Variants in DNMBP observed in about 807,000 individuals in gnomAD.
The protein encoded by DNMBP is dynamin-binding protein.
DNMBP carries 87 observed loss-of-function variants against 150.0 expected under a neutral mutation model. That is an observed-to-expected ratio of 0.58 (90% CI 0.49 to 0.69). DNMBP has a LOEUF of 0.69. Among genes scored for constraint, DNMBP ranks in the 30% least tolerant of loss-of-function variants. The pLI, the probability that DNMBP is intolerant of heterozygous loss-of-function variation, is 0.00. For synonymous variants in DNMBP, 711 were observed against 750.4 expected, an observed-to-expected ratio of 0.95 and a Z score of 0.86; for missense variants, 1,774 against 1,949.0, an observed-to-expected ratio of 0.91 and a Z score of 1.69.
intron 14 of DNMBP, 80 bp downstream of exon 14, chr10:99,885,607 G>T (rs1024883334): frequency 7.9e-6 from 10 of 1,269,758 alleles, no homozygotes; most frequent in Admixed American, 5.2e-5. Context: ...CCAATAGTGG[G>T]ATCTGGGCCT....
intron 4 of DNMBP, among the ~76,000 whole-genome samples, chr10:99,911,713 A>T (rs1205549987): frequency 6.6e-6 from 1 of 152,230 alleles, no homozygotes; most frequent in African/African-American, 2.4e-5. Context: ...GTATTATTCA[A>T]AATAAAACTT....
In DNMBP at chr10:99,972,749, T is replaced by C. The variant is rs573285474; in HGVS notation, c.-10-615A>G. Reference sequence around the variant, plus strand: ...CCTCAGCTTTCTGAGTAGCTGGAACTACAGGCGCACACCACTGTGCCTGAC... The same window carrying C: ...CCTCAGCTTTCTGAGTAGCTGGAACCACAGGCGCACACCACTGTGCCTGAC... On this transcript the variant is annotated intron_variant, in intron 1 of 16. Coordinates refer to ENST00000324109, the MANE Select transcript of DNMBP (RefSeq NM_015221.4). 8.5e-5 allele frequency among the ~76,000 whole-genome samples: 13 copies of C among 152,342 alleles called. 1 individual carries two copies. The South Asian group carries it at 2.7e-3, about 32-fold the overall frequency.
rs150503168 is a variant in DNMBP at position 99,880,291 on chromosome 10, G to C, written c.4068C>G (p.Ser1356=). The C allele has an allele frequency of 6.2e-7, 1 of 1,613,576 alleles. No individual in the cohort carries two copies. Among genetic ancestry groups the C allele is most frequent in the East Asian group, 2.2e-5 (1 of 44,870 alleles). Residue 1356 remains serine (S), a synonymous_variant, in exon 16 of 17, where the codon TCC becomes TCG. Transcript: ENST00000324109. ...YNPRRSHSDA[S]VGSHSSTESE... is the part of the protein sequence containing the mutation. ...ACTCTGTGGAGGAGTGGCTACCCAC[G>C]GAGGCATCGGAGTGGCTGCGGCGAG...
At chr10:99,962,935 T>A (rs1294217125) in intron 3 of DNMBP, among the ~76,000 whole-genome samples, 1 of 152,024 alleles carries the variant, frequency 6.6e-6, no homozygotes, top group Non-Finnish European at 1.5e-5. Context: ...TAAGCTTTAT[T>A]ACCTGATGGA....
intron 1 of DNMBP, among the ~76,000 whole-genome samples, chr10:99,984,285 C>T (rs1179836335): frequency 1.3e-5 from 2 of 152,112 alleles, no homozygotes; most frequent in Non-Finnish European, 2.9e-5. Flanking sequence ...TCCTAAGTAT[C>T]CTCTCAGACT....
At position 99,955,923 on chromosome 10, in the gene DNMBP, G is replaced by C; in HGVS notation, c.1551C>G (p.Ile517Met). 6.2e-7 allele frequency: 1 copy of C among 1,614,138 alleles called. No homozygotes were observed. Among genetic ancestry groups the C allele is most frequent in the Non-Finnish European group, 8.5e-7 (1 of 1,179,982 alleles). The change falls in exon 4 of 17, where the codon ATC becomes ATG. Residue 517 changes from isoleucine to methionine, a missense_variant. This residue lies in a region of DNMBP where 1,430 missense variants were observed against 1,492.5 expected (regional missense o/e 0.96). Coordinates refer to ENST00000324109, the MANE Select transcript of DNMBP (RefSeq NM_015221.4). ...CAGGCTTCATCTCCAATCTCTCTGAGATGGAGTAAACACTGGACGTGTGGT... is the reference window on the plus strand; with the variant it reads ...CAGGCTTCATCTCCAATCTCTCTGACATGGAGTAAACACTGGACGTGTGGT... ...KKHHTSSVYS[I>M]SERLEMKPGP...
chr10:99,983,144 T>C (rs1328512316), intron 1 of DNMBP, among the ~76,000 whole-genome samples: 1 of 152,152 alleles, frequency 6.6e-6, no homozygotes, highest in Non-Finnish European at 1.5e-5. Context: ...CGGAGGTTCC[T>C]TCAAAAGAAT....
At chr10:99,965,699 G>A in intron 3 of DNMBP, among the ~76,000 whole-genome samples, 1 of 152,076 alleles carries the variant, frequency 6.6e-6, no homozygotes, top group Admixed American at 6.6e-5. Context: ...GTTTCACCAT[G>A]TTGGCCAGGC....
In DNMBP at chr10:99,896,277, A is replaced by C. The variant is rs1325685267; in HGVS notation, c.3041T>G (p.Phe1014Cys). Residue 1014 changes from phenylalanine (F) to cysteine (C), a missense_variant, in exon 10 of 17, where the codon TTT (phenylalanine) becomes TGT (cysteine). Around this residue, in one of 2 missense-constraint regions of DNMBP, gnomAD observed 1,430 missense variants for 1,492.5 expected, o/e 0.96. Transcript: ENST00000324109. Reference protein sequence around the residue: ...VSSHLKHLTGFAPQIKDEVFE... With the variant: ...VSSHLKHLTGCAPQIKDEVFE... Reference sequence around the variant, plus strand: ...GGATGGGGATCTCACCTGAGGAGCAAAGCCAGTGAGATGCTTCAGGTGACT... The same window carrying C: ...GGATGGGGATCTCACCTGAGGAGCACAGCCAGTGAGATGCTTCAGGTGACT... 6.2e-7 allele frequency: 1 copy of C among 1,614,120 alleles called. No homozygotes were observed.
At chr10:99,936,597 C>T (rs1181219676) in intron 4 of DNMBP, among the ~76,000 whole-genome samples, 2 of 151,162 alleles carry the variant, frequency 1.3e-5, no homozygotes, top group Non-Finnish European at 2.9e-5. Context: ...TCACTGCAGG[C>T]TCAAACAATC....
Position 99,894,943 on chromosome 10 carries a change from C to T in DNMBP, c.3156+3G>A, listed in dbSNP as rs200173066. 5.8e-5 allele frequency: 93 copies of T among 1,606,138 alleles called. No homozygotes were observed. In the East Asian group the frequency reaches 1.7e-3, roughly 30 times the overall value. On this transcript the variant is annotated splice_donor_region_variant and intron_variant, in intron 11 of 16. Coordinates refer to ENST00000324109, the MANE Select transcript of DNMBP (RefSeq NM_015221.4). ...ATCTAACTACAGTGATGTTGATGCT[C>T]ACCCGGATGTGCTGGAGGTAGAGAG...
rs374443440 is a variant in DNMBP, at chr10:99,955,705, C to T, written c.1769G>A (p.Arg590Gln). 97 of 1,614,100 alleles carry T rather than the reference C, an allele frequency of 6.0e-5. No individual in the cohort carries two copies. The highest frequency in any genetic ancestry group is 1.6e-4 in the Middle Eastern group (1 of 6,084). The change falls in exon 4 of 17, where the codon CGA (arginine) becomes CAA (glutamine). Residue 590 changes from arginine (R) to glutamine (Q), a missense_variant. Arg to Gln is a conservative substitution (Grantham distance 43). Around this residue, in one of 2 missense-constraint regions of DNMBP, gnomAD observed 1,430 missense variants for 1,492.5 expected, o/e 0.96. Coordinates refer to ENST00000324109, the MANE Select transcript of DNMBP (RefSeq NM_015221.4). ...CTCGGTGATTAACTTTGAGGAACCT[C>T]GGACAATATCCTTCTCAGAGTTAAA... ...MDFNSEKDIV[R>Q]GSSKLITEQE...
At chr10:99,904,641 C>T (rs77627955) in intron 6 of DNMBP, among the ~76,000 whole-genome samples, 24 of 152,306 alleles carry the variant, frequency 1.6e-4, no homozygotes, top group African/African-American at 5.5e-4. Flanking sequence ...ACCATCCCTC[C>T]TCTAAAAATT....
chr10:99,883,873 G>A (rs2039409267), intron 15 of DNMBP, 138 bp downstream of exon 15: 1 of 726,350 alleles, frequency 1.4e-6, no homozygotes, highest in Non-Finnish European at 2.2e-6. Flanking sequence ...AGAAGGTTAA[G>A]GTTATTTTTC....
At chr10:99,952,955 T>G (rs1162182739) in intron 4 of DNMBP, among the ~76,000 whole-genome samples, 1 of 152,164 alleles carries the variant, frequency 6.6e-6, no homozygotes, top group Admixed American at 6.5e-5. Flanking sequence ...ATTATTGACT[T>G]TCCTGATGAC....
intron 4 of DNMBP, among the ~76,000 whole-genome samples, chr10:99,916,244 C>G (rs1036702960): frequency 1.3e-5 from 2 of 152,220 alleles, no homozygotes; most frequent in African/African-American, 2.4e-5. Context: ...AGGCGGATCA[C>G]CTGAGGTGAG....
Position 100,005,552 on chromosome 10 carries a change from G to A in DNMBP, c.-11+4286C>T, listed in dbSNP as rs912472811. 5.9e-5 allele frequency among the ~76,000 whole-genome samples: 9 copies of A among 152,082 alleles called. No individual in the cohort carries two copies. The South Asian group carries it at 1.9e-3, about 32-fold the overall frequency. On this transcript the variant is annotated intron_variant, in intron 1 of 16. Transcript: ENST00000324109. ...GCGGATCACCTGAGGTCAGGAGTTC[G>A]AGACCAGCCTGGCCAACATGGTGAA...
intron 7 of DNMBP, 155 bp downstream of exon 7, chr10:99,899,764 T>C (rs1207014105): frequency 4.5e-6 from 4 of 881,640 alleles, no homozygotes; most frequent in South Asian, 2.9e-5. Context: ...CTTATTCACA[T>C]GGACAAAAAT....
intron 1 of DNMBP, among the ~76,000 whole-genome samples, chr10:99,990,617 A>G (rs2040874772): frequency 6.6e-6 from 1 of 151,638 alleles, no homozygotes; most frequent in African/African-American, 2.4e-5. Context: ...GAATAAAAAA[A>G]AAAAAAAGGA....
Sources: allele counts gnomAD v4.1 joint callset (sites outside exome capture counted in the v4.1 genomes callset), GRCh38; gene constraint gnomAD v4.1.1; regional missense constraint gnomAD v4.1.1; transcripts MANE v1.5; gene names NCBI Gene and HGNC (gene_info 2026-07-23, HGNC 2026-07-21).